Variants in MAP4 observed in about 807,000 individuals in gnomAD.
MAP4 encodes the protein microtubule associated protein 4, also known as microtubule-associated protein 4.
Under a neutral mutation model 170.2 loss-of-function variants are expected in MAP4, and 76 were observed. The observed-to-expected ratio is 0.45, with a 90% CI of 0.37 to 0.54. MAP4 has a LOEUF of 0.54. Ranked by LOEUF, MAP4 falls within the 20% of genes least tolerant of loss-of-function variation. The pLI is 0.00. For synonymous variants in MAP4, 909 were observed against 994.5 expected (o/e 0.91, Z 1.62); for missense variants, 2,506 against 2,748.0 (o/e 0.91, Z 1.97).
intron 3 of MAP4, among the ~76,000 whole-genome samples, chr3:47,966,800 G>T (rs1052245262): frequency 1.1e-4 from 16 of 152,174 alleles, no homozygotes; most frequent in African/African-American, 2.9e-4. Context: ...GTATAAAAGA[G>T]TTTATTTCTG....
At position 47,951,763 on chromosome 3, in the gene MAP4, G is replaced by A. The variant is rs1308225844; in HGVS notation, c.293-23413C>T. The stretch of plus-strand genomic sequence containing the variant: ...AGTGCCGAGATTGCAGCCTCTGCCC[G>A]GCAGCCACCCCGTCTGGGAAGTGAG... On this transcript the variant is annotated intron_variant, in intron 3 of 20. Coordinates refer to ENST00000683076, the MANE Select transcript of MAP4 (RefSeq NM_001385682.1). 1.6e-3 allele frequency among the ~76,000 whole-genome samples: 244 copies of A among 152,068 alleles called. 1 individual carries two copies. Among genetic ancestry groups the A allele is most frequent in the Admixed American group, 3.4e-3 (52 of 15,280 alleles).
intron 1 of MAP4, among the ~76,000 whole-genome samples, chr3:48,003,453 CAAAA>C (rs201694525): frequency 0.032 from 3,613 of 111,862 alleles, 132 homozygotes; most frequent in African/African-American, 0.11. Flanking sequence ...GACTCCTTCT[CAAAA>C]AAAAAAAAAA....
At chr3:47,866,931 C>T (rs1410050832) in intron 17 of MAP4, among the ~76,000 whole-genome samples, 1 of 152,206 alleles carries the variant, frequency 6.6e-6, no homozygotes, top group Admixed American at 6.5e-5. Flanking sequence ...GGACTCCAGA[C>T]AGGCAACAGG....
intron 2 of MAP4, among the ~76,000 whole-genome samples, chr3:47,978,779 T>A (rs907002611): frequency 2.0e-5 from 3 of 151,360 alleles, no homozygotes; most frequent in Non-Finnish European, 4.4e-5. Flanking sequence ...ATTAGTTGTA[T>A]CTTATTCCCT....
At chr3:47,894,071 C>A (rs1433120942) in intron 10 of MAP4, among the ~76,000 whole-genome samples, 5 of 150,538 alleles carry the variant, frequency 3.3e-5, no homozygotes, top group African/African-American at 7.3e-5. Context: ...TGTTGCAATG[C>A]TGAAAAAAAA....
chr3:47,900,246 G>GACAT (rs2100029281), intron 10 of MAP4, among the ~76,000 whole-genome samples: 3 of 151,968 alleles, frequency 2.0e-5, no homozygotes, highest in South Asian at 4.1e-4. Context: ...CAAGTGTTTA[G>GACAT]ACATACATAC....
chr3:48,043,015 G>A (rs2100122469), intron 1 of MAP4, among the ~76,000 whole-genome samples: 1 of 152,138 alleles, frequency 6.6e-6, no homozygotes, highest in Non-Finnish European at 1.5e-5. Context: ...ATTTCTTTTG[G>A]GGGTCATGAA....
At chr3:48,041,556 C>A (rs1467758063) in intron 1 of MAP4, among the ~76,000 whole-genome samples, 1 of 152,128 alleles carries the variant, frequency 6.6e-6, no homozygotes, top group African/African-American at 2.4e-5. Flanking sequence ...CCAAACTGAT[C>A]TACAGATTCA....
At chr3:48,074,609 C>A (rs909578655) in intron 1 of MAP4, among the ~76,000 whole-genome samples, 4 of 141,250 alleles carry the variant, frequency 2.8e-5, no homozygotes, top group Admixed American at 7.4e-5. Context: ...CTGAAGGGAT[C>A]CTCCCACCTT....
chr3:47,912,189 A>G lies in MAP4; in HGVS notation c.2232T>C (p.His744=), dbSNP rs1238082619. The G allele has an allele frequency of 3.3e-6, 5 of 1,536,030 alleles. No individual in the cohort carries two copies. The highest frequency in any genetic ancestry group is 2.0e-5 in the Admixed American group (1 of 50,978). The change falls in exon 9 of 21, where the codon CAT becomes CAC. Residue 744 remains histidine (H), a synonymous_variant. Coordinates refer to ENST00000683076, the MANE Select transcript of MAP4 (RefSeq NM_001385682.1). The stretch of plus-strand genomic sequence containing the variant: ...CCCTCTGGGGTTCAAGTGAGTCAAC[A>G]TGAATACTTTTTCTTTGGTTCCCAG... ...GGPGNQRKSI[H]VDSLEPQRDL... is the part of the protein sequence containing the mutation.
Position 47,916,539 on chromosome 3 carries a change from T to C in MAP4, c.1288A>G (p.Ile430Val). Reference protein sequence around the residue: ...QANDIISSTEISSAEKVALSS... With the variant: ...QANDIISSTEVSSAEKVALSS... ...AAAGCCACCTTCTCAGCAGAGGATA[T>C]TTCTGTGGATGATATAATGTCATTA... The change falls in exon 7 of 21, where the codon ATA (isoleucine) becomes GTA (valine). Residue 430 changes from isoleucine to valine, a missense_variant. Transcript: ENST00000683076. 1.2e-6 allele frequency: 2 copies of C among 1,614,028 alleles called. No homozygotes were observed. Among genetic ancestry groups the C allele is most frequent in the Non-Finnish European group, 1.7e-6 (2 of 1,179,932 alleles).
intron 3 of MAP4, among the ~76,000 whole-genome samples, chr3:47,965,678 TTC>T: frequency 6.6e-6 from 1 of 152,340 alleles, no homozygotes; most frequent in Middle Eastern, 3.4e-3. Context: ...TTTCATGTAT[TTC>T]TTGGCAATTT....
chr3:48,076,100 T>C (rs560460648), intron 1 of MAP4, among the ~76,000 whole-genome samples: 38 of 151,462 alleles, frequency 2.5e-4, no homozygotes, highest in African/African-American at 8.5e-4. Flanking sequence ...TATAAAATTA[T>C]TTAAAGAAAC....
chr3:47,983,964 C>T (rs1017363476), intron 2 of MAP4, among the ~76,000 whole-genome samples: 3 of 152,180 alleles, frequency 2.0e-5, no homozygotes, highest in African/African-American at 4.8e-5. Context: ...AGCATAACTC[C>T]AACAGTCTTT....
At chr3:48,035,001 T>C (rs540175418) in intron 1 of MAP4, among the ~76,000 whole-genome samples, 1 of 151,622 alleles carries the variant, frequency 6.6e-6, no homozygotes, top group Non-Finnish European at 1.5e-5. Flanking sequence ...AGACAGAGAG[T>C]GAGACACTGT....
At chr3:47,968,390 T>C (rs1448121605) in intron 3 of MAP4, among the ~76,000 whole-genome samples, 1 of 152,196 alleles carries the variant, frequency 6.6e-6, no homozygotes, top group African/African-American at 2.4e-5. Flanking sequence ...ATTGAAAGAA[T>C]ACCAATTATG....
chr3:47,899,744 G>A lies in MAP4; in HGVS notation c.5434+3206C>T, dbSNP rs539242679. Among the ~76,000 whole-genome samples the A allele has an allele frequency of 7.9e-5, 12 of 152,296 alleles. 1 individual carries two copies. The South Asian group carries it at 1.9e-3, about 24-fold the overall frequency. ...GCATCTGCATCATTTGACCTGATCC[G>A]TTCCATCATTAAAGCTGTCTTCAAC... On this transcript the variant is annotated intron_variant, in intron 10 of 20. Coordinates refer to ENST00000683076, the MANE Select transcript of MAP4 (RefSeq NM_001385682.1).
At chr3:48,049,321 T>C (rs1234084367) in intron 1 of MAP4, among the ~76,000 whole-genome samples, 1 of 152,242 alleles carries the variant, frequency 6.6e-6, no homozygotes, top group Non-Finnish European at 1.5e-5. Flanking sequence ...GGTAAGTACA[T>C]GTTTAATTTT....
intron 4 of MAP4, among the ~76,000 whole-genome samples, chr3:47,924,237 T>C (rs781294843): frequency 6.6e-6 from 1 of 152,158 alleles, no homozygotes; most frequent in Non-Finnish European, 1.5e-5. Context: ...TTGATAAGTA[T>C]TTAAGCTGAG....
Sources: gnomAD v4.1 joint callset for allele counts (sites outside exome capture counted in the v4.1 genomes callset) on GRCh38, gnomAD v4.1.1 for gene constraint, MANE v1.5 for transcripts, NCBI Gene and HGNC (gene_info 2026-07-23, HGNC 2026-07-21) for gene names.